GPM6B: variants seen among roughly 807,000 people sequenced by gnomAD.
GPM6B encodes the protein glycoprotein M6B, also known as neuronal membrane glycoprotein M6-b.
Under a neutral mutation model 27.2 loss-of-function variants are expected in GPM6B, and 4 were observed. The ratio of observed to expected loss-of-function variants is 0.15; its 90% CI spans 0.07 to 0.34. The LOEUF (loss-of-function observed/expected upper bound fraction) is 0.34. Ranked by LOEUF, GPM6B falls within the 10% of genes least tolerant of loss-of-function variation. The pLI is 1.00. For missense variants in GPM6B, 183 were observed against 261.9 expected (o/e 0.70, Z 2.08); for synonymous variants, 124 against 103.1 (o/e 1.20, Z -1.23).
At chrX:13,914,912 C>T (rs1466107082) in intron 1 of GPM6B, among the ~76,000 whole-genome samples, 2 of 111,074 alleles carry the variant, frequency 1.8e-5, no homozygotes, top group Non-Finnish European at 3.8e-5. Flanking sequence ...TGTCATCCAC[C>T]TTACTCATCA....
intron 1 of GPM6B, among the ~76,000 whole-genome samples, chrX:13,922,950 C>T (rs542355753): frequency 3.6e-5 from 4 of 111,928 alleles, no homozygotes; most frequent in African/African-American, 1.3e-4. Flanking sequence ...TCGAGGCGGG[C>T]AAAGCACCTG....
At chrX:13,804,051 C>T (rs2048971158) in intron 2 of GPM6B, among the ~76,000 whole-genome samples, 1 of 111,621 alleles carries the variant, frequency 9.0e-6, no homozygotes. Context: ...GCTCTTGGAC[C>T]TTGCTCTTAA....
At chrX:13,932,924 TTC>T (rs1921647154) in intron 1 of GPM6B, among the ~76,000 whole-genome samples, 1 of 112,057 alleles carries the variant, frequency 8.9e-6, no homozygotes, top group Non-Finnish European at 1.9e-5. Context: ...TTTCAATTGT[TTC>T]TGTGTCTGTA....
At chrX:13,783,621 G>C (rs1011007284) in intron 3 of GPM6B, 100 bp from the exon 4 acceptor site, 45 of 713,998 alleles carry the variant, frequency 6.3e-5, no homozygotes, top group Non-Finnish European at 9.1e-5. Flanking sequence ...ATGTTCCTGT[G>C]AGTGCGTCAC....
At chrX:13,930,827 C>G (rs1035563607) in intron 1 of GPM6B, among the ~76,000 whole-genome samples, 2 of 112,013 alleles carry the variant, frequency 1.8e-5, no homozygotes, top group African/African-American at 6.5e-5. Context: ...ATAACTTAAA[C>G]ATTTCTACAA....
intron 4 of GPM6B, among the ~76,000 whole-genome samples, chrX:13,782,112 G>A (rs1466132071): frequency 8.9e-6 from 1 of 112,323 alleles, no homozygotes; most frequent in African/African-American, 3.2e-5. Context: ...GCGTATGGAT[G>A]AAACGGAAGC....
intron 2 of GPM6B, among the ~76,000 whole-genome samples, chrX:13,795,746 T>C (rs980210530): frequency 3.0e-5 from 3 of 101,000 alleles, no homozygotes; most frequent in Non-Finnish European, 4.0e-5. Context: ...TCTTTTCTTT[T>C]TTTTTTTTTT....
chrX:13,927,387 C>T (rs1396869969), intron 1 of GPM6B, among the ~76,000 whole-genome samples: 1 of 112,574 alleles, frequency 8.9e-6, no homozygotes, highest in Non-Finnish European at 1.9e-5. Context: ...CTGACTGCAT[C>T]ATTTACTCTG....
chrX:13,886,898 C>G (rs904383726), intron 1 of GPM6B, among the ~76,000 whole-genome samples: 2 of 110,040 alleles, frequency 1.8e-5, no homozygotes, highest in Admixed American at 1.9e-4. Flanking sequence ...CTCACTGCAA[C>G]CTCTGTCTCC....
chrX:13,808,527 G>A (rs1196103410), intron 1 of GPM6B, among the ~76,000 whole-genome samples: 1 of 111,990 alleles, frequency 8.9e-6, no homozygotes, highest in Non-Finnish European at 1.9e-5. Context: ...GCCTGGCACA[G>A]AGTAGGCTTC....
intron 1 of GPM6B, among the ~76,000 whole-genome samples, chrX:13,852,533 C>T (rs140018541): frequency 0.013 from 1,452 of 111,312 alleles, 7 homozygotes; most frequent in Middle Eastern, 0.041. Context: ...GAGCATCACA[C>T]ACCCTTCGCC....
chrX:13,853,278 A>G (rs942472786), intron 1 of GPM6B, among the ~76,000 whole-genome samples: 1 of 111,139 alleles, frequency 9.0e-6, no homozygotes, highest in Non-Finnish European at 1.9e-5. Context: ...TATTTATTAC[A>G]GCAACTTAAC....
intron 1 of GPM6B, among the ~76,000 whole-genome samples, chrX:13,902,726 C>T (rs1307635888): frequency 9.0e-6 from 1 of 111,504 alleles, no homozygotes; most frequent in Non-Finnish European, 1.9e-5. Flanking sequence ...AACTTCAATT[C>T]AATCACAGAG....
Position 13,892,318 on chromosome X carries a change from T to C in GPM6B, c.-198+46009A>G, listed in dbSNP as rs147105502. ...GAGTGTTCAGTCATTATTTGTCTACTAACTTGACAAATCATGTCAGTATTC... is the reference window on the plus strand; with the variant it reads ...GAGTGTTCAGTCATTATTTGTCTACCAACTTGACAAATCATGTCAGTATTC... On this transcript the variant is annotated intron_variant, in intron 1 of 6. Coordinates refer to the GPM6B transcript ENST00000398361. Among the ~76,000 whole-genome samples the C allele has an allele frequency of 5.3e-4, 59 of 112,053 alleles. 2 individuals carry two copies. In the East Asian group the frequency reaches 0.015, roughly 29 times the overall value.
At chrX:13,773,947 T>C (rs866208049) in intron 7 of GPM6B, 1 of 676,485 alleles carries the variant, frequency 1.5e-6, no homozygotes, top group South Asian at 7.9e-5. Context: ...TACCCACATA[T>C]AAATCCTTTT....
At chrX:13,817,413 G>A (rs2049258196), upstream of GPM6B, 2 of 717,630 alleles carry the variant, frequency 2.8e-6, no homozygotes, top group Non-Finnish European at 3.3e-6. Context: ...CAGAGGAGGG[G>A]ATGTGAAGGA....
chrX:13,851,712 G>A (rs967165206), intron 1 of GPM6B, among the ~76,000 whole-genome samples: 1 of 110,071 alleles, frequency 9.1e-6, no homozygotes, highest in Non-Finnish European at 1.9e-5. Flanking sequence ...TTCTCCTGGA[G>A]AGGTCCAGTT....
intron 1 of GPM6B, among the ~76,000 whole-genome samples, chrX:13,910,542 T>G (rs1458898691): frequency 1.8e-5 from 2 of 113,304 alleles, no homozygotes; most frequent in Non-Finnish European, 3.7e-5. Flanking sequence ...GCCTGTGCGG[T>G]ATGACAAAAC....
chrX:13,937,983 G>T (rs184336563), intron 1 of GPM6B, among the ~76,000 whole-genome samples: 1,214 of 111,324 alleles, frequency 0.011, 16 homozygotes, highest in African/African-American at 0.037. Flanking sequence ...CTGGTTTCAA[G>T]GGTCATGGTT....
Sources: allele counts gnomAD v4.1 joint callset (sites outside exome capture counted in the v4.1 genomes callset), GRCh38; gene constraint gnomAD v4.1.1; transcripts MANE v1.5; gene names NCBI Gene and HGNC (gene_info 2026-07-23, HGNC 2026-07-21).